Variants in PLA2G4A observed in about 807,000 individuals in gnomAD.
PLA2G4A encodes phospholipase A2 group IVA, also known as cytosolic phospholipase A2.
Under a neutral mutation model 81.9 loss-of-function variants are expected in PLA2G4A, and 40 were observed. The observed-to-expected ratio is 0.49, with a 90% CI of 0.38 to 0.64. The LOEUF (loss-of-function observed/expected upper bound fraction) is 0.64. Ranked by LOEUF, PLA2G4A falls within the 30% of genes least tolerant of loss-of-function variation. The probability of loss-of-function intolerance (pLI) is 0.00; values close to 1 mark genes in which losing one functional copy is unlikely to be tolerated. For synonymous variants in PLA2G4A, 302 were observed against 296.9 expected (o/e 1.02, Z -0.18); for missense variants, 715 against 905.1 (o/e 0.79, Z 2.69).
chr1:186,879,745 T>C (rs1380242433), intron 3 of PLA2G4A, among the ~76,000 whole-genome samples: 1 of 151,834 alleles, frequency 6.6e-6, no homozygotes, highest in Admixed American at 6.6e-5. Flanking sequence ...ACATTATACA[T>C]ACTTTATGTA....
chr1:186,933,720 G>C (rs1034254297), intron 8 of PLA2G4A, among the ~76,000 whole-genome samples: 2 of 152,072 alleles, frequency 1.3e-5, no homozygotes, highest in East Asian at 1.9e-4. Context: ...GCATTTTAAA[G>C]TTTCTGTGTC....
At chr1:186,959,000 T>A (rs1353014990) in intron 14 of PLA2G4A, among the ~76,000 whole-genome samples, 1 of 152,200 alleles carries the variant, frequency 6.6e-6, no homozygotes, top group Non-Finnish European at 1.5e-5. Context: ...CCGGGCATCC[T>A]GTATTTTTTT....
intron 3 of PLA2G4A, among the ~76,000 whole-genome samples, chr1:186,883,303 A>G (rs1653803880): frequency 6.6e-6 from 1 of 152,254 alleles, no homozygotes; most frequent in East Asian, 1.9e-4. Flanking sequence ...ATGTTAACAT[A>G]TAATCAAGAA....
At chr1:186,968,378 C>G (rs1220430880) in intron 15 of PLA2G4A, among the ~76,000 whole-genome samples, 1 of 133,068 alleles carries the variant, frequency 7.5e-6, no homozygotes, top group Non-Finnish European at 1.6e-5. Flanking sequence ...GTATTTTCTT[C>G]TAGTCTCTTT....
chr1:186,909,679 A>G (rs1448646769), intron 6 of PLA2G4A, among the ~76,000 whole-genome samples: 2 of 150,980 alleles, frequency 1.3e-5, no homozygotes, highest in Non-Finnish European at 2.9e-5. Flanking sequence ...AAAAAAAAAA[A>G]AAGTTAACTC....
At chr1:186,966,727 G>A (rs1657145685) in intron 15 of PLA2G4A, among the ~76,000 whole-genome samples, 3 of 152,146 alleles carry the variant, frequency 2.0e-5, no homozygotes, top group Admixed American at 2.0e-4. Flanking sequence ...TTTAGACACA[G>A]CTCAAGTGTT....
At chr1:186,891,644 G>GA (rs1654147993) in intron 3 of PLA2G4A, among the ~76,000 whole-genome samples, 2 of 152,098 alleles carry the variant, frequency 1.3e-5, no homozygotes, top group Non-Finnish European at 2.9e-5. Flanking sequence ...TCTTCTTTAT[G>GA]GCTGAGTAAC....
At chr1:186,935,751 C>G (rs539679238) in intron 8 of PLA2G4A, among the ~76,000 whole-genome samples, 17 of 151,870 alleles carry the variant, frequency 1.1e-4, no homozygotes, top group Non-Finnish European at 2.1e-4. Flanking sequence ...AAACACATTA[C>G]GCTTCTATGT....
chr1:186,954,056 G>T (rs1656657526), intron 13 of PLA2G4A, among the ~76,000 whole-genome samples: 1 of 152,166 alleles, frequency 6.6e-6, no homozygotes, highest in Non-Finnish European at 1.5e-5. Flanking sequence ...CTGAATGAAA[G>T]ATCTCTTCAT....
intron 1 of PLA2G4A, among the ~76,000 whole-genome samples, chr1:186,834,094 A>C (rs12022299): frequency 0.49 from 74,517 of 151,572 alleles, 20,076 homozygotes; most frequent in African/African-American, 0.73. Context: ...AACAAATGTC[A>C]TTAATATGTA....
intron 15 of PLA2G4A, among the ~76,000 whole-genome samples, chr1:186,973,353 T>C (rs973438675): frequency 2.0e-5 from 3 of 152,184 alleles, no homozygotes; most frequent in Non-Finnish European, 4.4e-5. Flanking sequence ...TGTGCATGTC[T>C]TCTCTTGTAT....
chr1:186,862,518 T>A (rs1652849984), intron 2 of PLA2G4A, among the ~76,000 whole-genome samples: 1 of 152,152 alleles, frequency 6.6e-6, no homozygotes, highest in Admixed American at 6.5e-5. Context: ...GGCCTGAACC[T>A]TTTATTTGTT....
intron 5 of PLA2G4A, among the ~76,000 whole-genome samples, chr1:186,897,653 C>A (rs994988969): frequency 3.3e-5 from 5 of 152,050 alleles, no homozygotes; most frequent in Admixed American, 2.0e-4. Context: ...AGATTACAGG[C>A]ACGTGCCATC....
chr1:186,846,655 C>A (rs1488064446), intron 1 of PLA2G4A, among the ~76,000 whole-genome samples: 1 of 152,058 alleles, frequency 6.6e-6, no homozygotes, highest in Non-Finnish European at 1.5e-5. Context: ...GGTGTGACAA[C>A]CTCTACTTTT....
At chr1:186,949,748 A>G (rs900384616) in intron 12 of PLA2G4A, among the ~76,000 whole-genome samples, 41 of 152,218 alleles carry the variant, frequency 2.7e-4, no homozygotes, top group African/African-American at 9.9e-4. Flanking sequence ...TAGTCTGGGC[A>G]CTGTGGCTCA....
intron 8 of PLA2G4A, among the ~76,000 whole-genome samples, chr1:186,936,286 A>G (rs6690542): frequency 0.31 from 46,379 of 151,772 alleles, 9,628 homozygotes; most frequent in African/African-American, 0.58. Flanking sequence ...AACAATATTA[A>G]CAGAAATTGT....
Position 186,946,934 on chromosome 1 carries a change from A to G in PLA2G4A, c.1237A>G (p.Arg413Gly). ...TTTGGGCGTTTCTGGTTCACAAAGC[A>G]GAGGCTCCACAATGGAGGAAGAATT... ...RVLGVSGSQS[R>G]GSTMEEELEN... The change falls in exon 12 of 18, where the codon AGA becomes GGA. Residue 413 changes from arginine (R) to glycine (G), a missense_variant. Physicochemically the swap from Arg to Gly is moderately radical, Grantham distance 125. Transcript: ENST00000367466. 6.2e-7 allele frequency: 1 copy of G among 1,608,776 alleles called. No homozygotes were observed. The highest frequency in any genetic ancestry group is 1.1e-5 in the South Asian group (1 of 90,998).
At chr1:186,902,040 T>G (rs1654558039) in intron 5 of PLA2G4A, among the ~76,000 whole-genome samples, 1 of 152,194 alleles carries the variant, frequency 6.6e-6, no homozygotes, top group African/African-American at 2.4e-5. Context: ...TACACAAACC[T>G]AGATGGTACA....
chr1:186,907,568 T>C (rs539869477), intron 6 of PLA2G4A, among the ~76,000 whole-genome samples: 3 of 152,360 alleles, frequency 2.0e-5, no homozygotes, highest in African/African-American at 7.2e-5. Flanking sequence ...AAGTCTGCCT[T>C]GATCTAACTG....
Sources: gnomAD v4.1 joint callset for allele counts (sites outside exome capture counted in the v4.1 genomes callset) on GRCh38, gnomAD v4.1.1 for gene constraint, MANE v1.5 for transcripts, NCBI Gene and HGNC (gene_info 2026-07-23, HGNC 2026-07-21) for gene names.